Variants in EML1 observed in about 807,000 individuals in gnomAD.
EML1 encodes the protein EMAP like 1, also known as echinoderm microtubule-associated protein-like 1.
In EML1, 27 loss-of-function variants were observed where a neutral mutation model predicts 110.4. The ratio of observed to expected loss-of-function variants is 0.24; its 90% CI spans 0.18 to 0.34. The LOEUF is 0.34. Among genes scored for constraint, EML1 ranks in the 10% least tolerant of loss-of-function variants. EML1 has a pLI of 1.00. For missense variants in EML1, 741 were observed against 1,030.9 expected, an observed-to-expected ratio of 0.72 and a Z score of 3.85; for synonymous variants, 344 against 385.8, an observed-to-expected ratio of 0.89 and a Z score of 1.27.
In EML1 at chr14:99,941,642, G is replaced by C. The variant is rs2060590736; in HGVS notation, c.*1530G>C. The C allele has an allele frequency of 6.6e-6, 1 of 152,044 alleles. No homozygotes were observed. The highest frequency in any genetic ancestry group is 2.1e-4 in the South Asian group (1 of 4,812). The allele number at this position is 152,044 out of a possible 1,614,324, so 9.4% of individuals were successfully genotyped here. A position where few individuals can be genotyped will look rare whatever the true frequency, so the allele number is the denominator to read the frequency against. Reference sequence around the variant, plus strand: ...TCATATGCAGATTTTATTCTCACCTGGGCCATTTGCAGATGAGACTGTAGT... The same window carrying C: ...TCATATGCAGATTTTATTCTCACCTCGGCCATTTGCAGATGAGACTGTAGT... On this transcript the variant is annotated 3_prime_UTR_variant, in exon 22 of 22. Coordinates refer to ENST00000262233, the MANE Select transcript of EML1 (RefSeq NM_004434.3).
At chr14:99,917,058 G>A (rs1364712783) in intron 15 of EML1, among the ~76,000 whole-genome samples, 2 of 152,102 alleles carry the variant, frequency 1.3e-5, no homozygotes, top group African/African-American at 4.8e-5. Context: ...CACCCAGTGG[G>A]CACTCACCCA....
chr14:99,896,638 G>A (rs2059675384), intron 6 of EML1, among the ~76,000 whole-genome samples: 1 of 152,112 alleles, frequency 6.6e-6, no homozygotes, highest in Non-Finnish European at 1.5e-5. Context: ...CATCCAAGTT[G>A]AAGTGATATT....
chr14:99,917,683 A>G, intron 15 of EML1, 99 bp from the exon 16 acceptor site: 1 of 1,165,252 alleles, frequency 8.6e-7, no homozygotes, highest in South Asian at 1.4e-5. Flanking sequence ...AAGGAATTAG[A>G]AGTGTGAGCG....
At chr14:99,869,183 TG>T (rs1435635893) in intron 3 of EML1, among the ~76,000 whole-genome samples, 3 of 152,316 alleles carry the variant, frequency 2.0e-5, no homozygotes, top group African/African-American at 7.2e-5. Context: ...TTTTACAAAT[TG>T]GTGGTGGTGG....
chr14:99,807,181 G>C (rs550612645), intron 1 of EML1, among the ~76,000 whole-genome samples: 2 of 152,188 alleles, frequency 1.3e-5, no homozygotes, highest in Admixed American at 6.5e-5. Flanking sequence ...AAAAGATTAC[G>C]TGCATTCTTT....
intron 17 of EML1, among the ~76,000 whole-genome samples, chr14:99,924,644 A>G (rs2060201065): frequency 6.6e-6 from 1 of 152,236 alleles, no homozygotes; most frequent in Non-Finnish European, 1.5e-5. Flanking sequence ...TTATTATATT[A>G]TATTAATATC....
intron 4 of EML1, among the ~76,000 whole-genome samples, chr14:99,883,047 T>C (rs1057047300): frequency 2.6e-5 from 4 of 152,134 alleles, no homozygotes; most frequent in Non-Finnish European, 5.9e-5. Context: ...TGTTTTTCCT[T>C]TACGATAGCA....
At position 99,901,037 on chromosome 14, in the gene EML1, T is replaced by G; in HGVS notation, c.1006T>G (p.Ser336Ala). ...AGTCACCTGTATTGCATTCTCAAAATCTGTAAGTATGTGCCCTGTGGATAT... is the reference window on the plus strand; with the variant it reads ...AGTCACCTGTATTGCATTCTCAAAAGCTGTAAGTATGTGCCCTGTGGATAT... ...RAVTCIAFSK[S>A]NGGTNLCAVD... The change falls in exon 9 of 22, where the codon TCT becomes GCT. Residue 336 changes from serine to alanine, a missense_variant and splice_region_variant. Ser to Ala is a moderately conservative substitution (Grantham distance 99). Coordinates refer to ENST00000262233, the MANE Select transcript of EML1 (RefSeq NM_004434.3). 1 of 1,612,498 alleles carries G rather than the reference T, an allele frequency of 6.2e-7. No individual in the cohort carries two copies. Among genetic ancestry groups the G allele is most frequent in the South Asian group, 1.1e-5 (1 of 91,040 alleles).
At chr14:99,761,947 A>G (rs1042921328) in intron 1 of EML1, among the ~76,000 whole-genome samples, 1 of 149,896 alleles carries the variant, frequency 6.7e-6, no homozygotes, top group African/African-American at 2.5e-5. Flanking sequence ...AAAAATCGAG[A>G]ACTGGGGGCA....
intron 1 of EML1, among the ~76,000 whole-genome samples, chr14:99,833,346 C>A (rs1006728259): frequency 1.3e-5 from 2 of 152,108 alleles, no homozygotes; most frequent in Non-Finnish European, 2.9e-5. Flanking sequence ...TCTTAACTCT[C>A]TATTCTATTC....
intron 1 of EML1, among the ~76,000 whole-genome samples, chr14:99,777,866 C>G (rs572855156): frequency 6.6e-6 from 1 of 152,316 alleles, no homozygotes; most frequent in East Asian, 1.9e-4. Flanking sequence ...TTACTGCAGT[C>G]TCAACCTCCT....
At position 99,905,997 on chromosome 14, in the gene EML1, G is replaced by A. The variant is rs1419683922; in HGVS notation, c.1009-1641G>A. 1.3e-5 allele frequency among the ~76,000 whole-genome samples: 2 copies of A among 152,170 alleles called. No homozygotes were observed. ...TTTTTCTTTGCATCAGGGGTCTCCA[G>A]TATCATCCCTTTGGGGTTCACCAGA... On this transcript the variant is annotated intron_variant, in intron 9 of 21. Coordinates refer to ENST00000262233, the MANE Select transcript of EML1 (RefSeq NM_004434.3). The surrounding 1 kb of genome is among the most constrained non-coding windows in gnomAD (Gnocchi z 4.1).
chr14:99,739,091 TGAGA>T (rs1555385397), intron 1 of EML1, among the ~76,000 whole-genome samples: 2 of 136,400 alleles, frequency 1.5e-5, no homozygotes, highest in Non-Finnish European at 3.1e-5. Context: ...TGTGTGTGTG[TGAGA>T]GAGAGAGACA....
At chr14:99,811,644 A>C (rs2058082315) in intron 1 of EML1, among the ~76,000 whole-genome samples, 1 of 60,716 alleles carries the variant, frequency 1.6e-5, no homozygotes. Context: ...CTCTACCAAA[A>C]AAAAAAAAAA....
At chr14:99,821,799 T>C (rs74708049) in intron 1 of EML1, among the ~76,000 whole-genome samples, 5 of 152,210 alleles carry the variant, frequency 3.3e-5, no homozygotes, top group Non-Finnish European at 5.9e-5. Context: ...CTAAAAATCA[T>C]TGAGATTAGG....
chr14:99,924,564 G>T (rs2060199449), intron 17 of EML1, among the ~76,000 whole-genome samples: 1 of 152,168 alleles, frequency 6.6e-6, no homozygotes, highest in Non-Finnish European at 1.5e-5. Flanking sequence ...TCAGAATACT[G>T]TATTATACGT....
intron 1 of EML1, among the ~76,000 whole-genome samples, chr14:99,826,002 G>A (rs2058345225): frequency 6.6e-6 from 1 of 151,774 alleles, no homozygotes; most frequent in South Asian, 2.1e-4. Flanking sequence ...GTGGGCCGTT[G>A]TACAACAGTA....
chr14:99,787,348 G>A (rs1474985488), intron 1 of EML1, among the ~76,000 whole-genome samples: 3 of 143,028 alleles, frequency 2.1e-5, no homozygotes, highest in East Asian at 2.0e-4. Context: ...ATCTTGGCTC[G>A]GCTCACTGCA....
chr14:99,875,044 C>T (rs2059267074), intron 3 of EML1: 4 of 1,564,658 alleles, frequency 2.6e-6, no homozygotes, highest in Non-Finnish European at 3.5e-6. Flanking sequence ...TTGTTTCCAT[C>T]TCTGTTTTAA....
Sources: allele counts gnomAD v4.1 joint callset (sites outside exome capture counted in the v4.1 genomes callset), GRCh38; gene constraint gnomAD v4.1.1; non-coding constraint Gnocchi (gnomAD v3.1); transcripts MANE v1.5; gene names NCBI Gene and HGNC (gene_info 2026-07-23, HGNC 2026-07-21).